The following HLCS variants were observed in gnomAD, a reference collection of about 807,000 sequenced individuals.
HLCS encodes holocarboxylase synthetase.
Under a neutral mutation model 75.0 loss-of-function variants are expected in HLCS, and 53 were observed. The observed-to-expected ratio is 0.71, with a 90% CI of 0.57 to 0.89. HLCS has a LOEUF of 0.89. HLCS is among the 40% of genes least tolerant of loss of function. The pLI is 0.00. For missense variants in HLCS, 966 were observed against 1,074.0 expected (o/e 0.90, Z 1.41); for synonymous variants, 431 against 428.6 (o/e 1.01, Z -0.07).
upstream of HLCS, among the ~76,000 whole-genome samples, chr21:36,966,967 C>T (rs1455503706): frequency 6.9e-6 from 1 of 145,014 alleles, no homozygotes; most frequent in East Asian, 2.1e-4. Context: ...AGAGGGGGCT[C>T]GAGGGAGTGG....
Position 36,989,597 on chromosome 21 carries a change from G to T in HLCS, c.-393+561C>A, listed in dbSNP as rs190566586. Among the ~76,000 whole-genome samples the T allele has an allele frequency of 1.0e-3, 159 of 152,288 alleles. 3 individuals are homozygous for T. The East Asian group carries it at 0.027, about 26-fold the overall frequency. On this transcript the variant is annotated intron_variant, in intron 1 of 11. Transcript: ENST00000336648. ...GCCTGCCTCGGCCTCGCGAAGTGCT[G>T]AGATTACAAGCGTGAACCACCGCGC... is the stretch of plus-strand genomic sequence containing the variant.
intron 6 of HLCS, among the ~76,000 whole-genome samples, chr21:36,871,730 A>AT (rs1330787529): frequency 1.4e-4 from 21 of 152,316 alleles, no homozygotes; most frequent in Admixed American, 8.5e-4. Flanking sequence ...CGCAAAACAT[A>AT]TATCTGAAAA....
chr21:36,785,095 C>T (rs2060647627), intron 6 of HLCS, among the ~76,000 whole-genome samples: 1 of 152,078 alleles, frequency 6.6e-6, no homozygotes, highest in South Asian at 2.1e-4. Context: ...ATGCCCTGCC[C>T]TGCCAGCTGG....
chr21:36,966,196 G>A (rs1252883359), intron 1 of HLCS, among the ~76,000 whole-genome samples: 1 of 152,198 alleles, frequency 6.6e-6, no homozygotes, highest in African/African-American at 2.4e-5. Flanking sequence ...ACAGGTGCGC[G>A]CCTAGAGTCA....
At chr21:36,926,526 A>G (rs2066413859) in intron 5 of HLCS, among the ~76,000 whole-genome samples, 2 of 152,202 alleles carry the variant, frequency 1.3e-5, no homozygotes, top group Non-Finnish European at 2.9e-5. Flanking sequence ...TTAGTTTTTA[A>G]TAACTAATTT....
intron 6 of HLCS, among the ~76,000 whole-genome samples, chr21:36,769,717 C>CA (rs2090165328): frequency 6.6e-6 from 1 of 152,238 alleles, no homozygotes; most frequent in African/African-American, 2.4e-5. Context: ...GCAAATGAGA[C>CA]AGCCTCCTGA....
chr21:36,978,852 G>A (rs532852339), intron 1 of HLCS, among the ~76,000 whole-genome samples: 5 of 152,292 alleles, frequency 3.3e-5, no homozygotes, highest in African/African-American at 9.6e-5. Flanking sequence ...ATCCTCTCCT[G>A]TGGCTAAAAG....
intron 6 of HLCS, among the ~76,000 whole-genome samples, chr21:36,824,348 C>T (rs1265697344): frequency 1.3e-5 from 2 of 152,044 alleles, no homozygotes; most frequent in African/African-American, 2.4e-5. Flanking sequence ...AAAGAGAAAA[C>T]CAAACACCAC....
At chr21:36,958,221 C>T (rs1234658512) in intron 2 of HLCS, among the ~76,000 whole-genome samples, 13 of 142,378 alleles carry the variant, frequency 9.1e-5, no homozygotes, top group African/African-American at 3.2e-4. Context: ...CCAGCCTGGG[C>T]GACAGAGTGA....
At chr21:36,939,449 G>C (rs578226418) in intron 2 of HLCS, among the ~76,000 whole-genome samples, 1 of 152,296 alleles carries the variant, frequency 6.6e-6, no homozygotes, top group East Asian at 1.9e-4. Context: ...GAGACCTTCA[G>C]AGTCCCGAGC....
rs141651689 is a variant in HLCS, at chr21:36,879,859, G to A, written c.1892+17001C>T. On this transcript the variant is annotated intron_variant, in intron 6 of 10. Transcript: ENST00000674895. ...CAGGAGTTCGAGGCTGCAGTGAGCCGAGATTGCACCACTACACTCCAGCCT... is the reference window on the plus strand; with the variant it reads ...CAGGAGTTCGAGGCTGCAGTGAGCCAAGATTGCACCACTACACTCCAGCCT... Among the ~76,000 whole-genome samples the A allele has an allele frequency of 4.0e-3, 600 of 151,166 alleles. 1 individual carries two copies. The highest frequency in any genetic ancestry group is 6.8e-3 in the Non-Finnish European group (465 of 67,900).
intron 6 of HLCS, among the ~76,000 whole-genome samples, chr21:36,888,864 C>G (rs2064646921): frequency 6.6e-6 from 1 of 152,154 alleles, no homozygotes; most frequent in African/African-American, 2.4e-5. Flanking sequence ...AGCTCTACAG[C>G]ATCAGAAACA....
chr21:36,799,555 C>A (rs572809502), intron 6 of HLCS, among the ~76,000 whole-genome samples: 1 of 152,278 alleles, frequency 6.6e-6, no homozygotes, highest in South Asian at 2.1e-4. Context: ...ACCTTGGAAA[C>A]CATCAATTTA....
chr21:36,805,503 C>T (rs1235283630), intron 6 of HLCS, among the ~76,000 whole-genome samples: 2 of 152,196 alleles, frequency 1.3e-5, no homozygotes, highest in East Asian at 3.9e-4. Flanking sequence ...TAATTAAGGG[C>T]CCCTCTTGTC....
chr21:36,787,465 G>A (rs2060723972), intron 6 of HLCS, among the ~76,000 whole-genome samples: 1 of 152,128 alleles, frequency 6.6e-6, no homozygotes, highest in African/African-American at 2.4e-5. Flanking sequence ...AGATAAAACT[G>A]GACCCTAACC....
chr21:36,906,920 AT>A (rs1276330002), intron 5 of HLCS, among the ~76,000 whole-genome samples: 1 of 152,036 alleles, frequency 6.6e-6, no homozygotes, highest in Non-Finnish European at 1.5e-5. Flanking sequence ...ATTTTTTTTA[AT>A]TTTTTTGAGA....
chr21:36,765,938 C>T (rs975819504), intron 7 of HLCS, among the ~76,000 whole-genome samples: 6 of 152,166 alleles, frequency 3.9e-5, no homozygotes, highest in Non-Finnish European at 7.3e-5. Context: ...TGAGCCACCA[C>T]GCCCAGCCAC....
intron 1 of HLCS, among the ~76,000 whole-genome samples, chr21:36,966,232 G>C (rs961600884): frequency 1.3e-5 from 2 of 152,206 alleles, no homozygotes; most frequent in Non-Finnish European, 2.9e-5. Context: ...CCGGCTGGCC[G>C]GGAAGAGGCG....
In HLCS at chr21:36,814,987, G is replaced by C. The variant is rs376782631; in HGVS notation, c.1893-47702C>G. 2.0e-5 allele frequency among the ~76,000 whole-genome samples: 3 copies of C among 151,736 alleles called. No homozygotes were observed. In the East Asian group the frequency reaches 5.8e-4, roughly 29 times the overall value. On this transcript the variant is annotated intron_variant, in intron 6 of 10. Transcript: ENST00000674895. ...GAAGGCCATGTGAGTGTGTGGATGTGTGGCTGAGGGAAAGGAGGCCAGGGA... is the reference window on the plus strand; with the variant it reads ...GAAGGCCATGTGAGTGTGTGGATGTCTGGCTGAGGGAAAGGAGGCCAGGGA...
Sources: gnomAD v4.1 joint callset for allele counts (sites outside exome capture counted in the v4.1 genomes callset) on GRCh38, gnomAD v4.1.1 for gene constraint, MANE v1.5 for transcripts, NCBI Gene and HGNC (gene_info 2026-07-23, HGNC 2026-07-21) for gene names.